AMOTL1: variants seen among roughly 807,000 people sequenced by gnomAD.
AMOTL1 encodes the protein angiomotin like 1, also known as angiomotin-like protein 1.
A neutral mutation model predicts 102.9 loss-of-function variants in AMOTL1; 45 were observed. The observed-to-expected ratio is 0.44, with a 90% confidence interval of 0.34 to 0.56. AMOTL1 has a LOEUF of 0.56. AMOTL1 is among the 20% of genes least tolerant of loss of function. The probability of loss-of-function intolerance (pLI) is 0.01; values close to 1 mark genes in which losing one functional copy is unlikely to be tolerated. For missense variants in AMOTL1, 1,114 were observed against 1,225.6 expected (o/e 0.91, Z 1.36); for synonymous variants, 481 against 484.7 (o/e 0.99, Z 0.10).
intron 1 of AMOTL1, among the ~76,000 whole-genome samples, chr11:94,718,000 A>G (rs1228115209): frequency 6.6e-6 from 1 of 151,958 alleles, no homozygotes; most frequent in African/African-American, 2.4e-5. Context: ...AATTTAATAA[A>G]TATGCCTTAT....
chr11:94,738,814 AG>A (rs1950475385), intron 2 of AMOTL1, among the ~76,000 whole-genome samples: 1 of 152,180 alleles, frequency 6.6e-6, no homozygotes, highest in South Asian at 2.1e-4. Flanking sequence ...GGTGGGGTCA[AG>A]GACACATTGG....
At position 94,841,948 on chromosome 11, in the gene AMOTL1, T is replaced by G. The variant is rs919795391; in HGVS notation, c.1649-8166T>G. On this transcript the variant is annotated intron_variant, in intron 6 of 12. Transcript: ENST00000433060. ...TTACCAAATCCTACCTGAGATATTT[T>G]ACTTTTGGTGCTTTAAACTCACTGC... Among the ~76,000 whole-genome samples the G allele has an allele frequency of 3.3e-5, 5 of 152,212 alleles. No homozygotes were observed. The South Asian group carries it at 8.3e-4, about 25-fold the overall frequency.
At chr11:94,843,237 G>A (rs754502537) in intron 6 of AMOTL1, among the ~76,000 whole-genome samples, 1 of 152,212 alleles carries the variant, frequency 6.6e-6, no homozygotes, top group Non-Finnish European at 1.5e-5. Context: ...AAAGTAGATC[G>A]TGTTTCATGT....
In AMOTL1 at chr11:94,876,683, C is replaced by T. The variant is rs112260569; in HGVS notation, c.*5888C>T. On this transcript the variant is annotated 3_prime_UTR_variant, in exon 13 of 13. Coordinates refer to ENST00000433060, the MANE Select transcript of AMOTL1 (RefSeq NM_130847.3). The stretch of plus-strand genomic sequence containing the variant: ...AAATGGCAAAATGACTCTTTTCTCT[C>T]GCTTGCTCCTTTCTTCCTTAAAGAA... 3.9e-5 allele frequency: 6 copies of T among 152,654 alleles called. No homozygotes were observed. Among genetic ancestry groups the T allele is most frequent in the African/African-American group, 1.4e-4 (6 of 41,456 alleles). The allele number at this position is 152,654 out of a possible 1,614,324, so 9.5% of individuals were successfully genotyped here.
At position 94,743,342 on chromosome 11, in the gene AMOTL1, G is replaced by T. The variant is rs187717966; in HGVS notation, c.136+2354G>T. ...ATTGTTTATATTCATGTGCTGTGCT[G>T]TTTGGGTACTTGGTGTCCCCAAGGG... On this transcript the variant is annotated intron_variant, in intron 3 of 4. Coordinates refer to the AMOTL1 transcript ENST00000299004. 3.3e-5 allele frequency among the ~76,000 whole-genome samples: 5 copies of T among 152,346 alleles called. No individual in the cohort carries two copies. The East Asian group carries it at 9.7e-4, about 29-fold the overall frequency.
chr11:94,805,082 C>G (rs139054765), intron 3 of AMOTL1, among the ~76,000 whole-genome samples: 55 of 152,380 alleles, frequency 3.6e-4, no homozygotes, highest in Middle Eastern at 3.4e-3. Flanking sequence ...TTGCTGCACA[C>G]TGCGTCTCCC....
At chr11:94,763,650 G>A (rs936689971), upstream of AMOTL1, among the ~76,000 whole-genome samples, 2 of 152,132 alleles carry the variant, frequency 1.3e-5, no homozygotes, top group African/African-American at 4.8e-5. Context: ...TATTAATACT[G>A]TATTCTTACA....
chr11:94,756,199 C>T (rs994319937), intron 3 of AMOTL1, among the ~76,000 whole-genome samples: 1 of 152,292 alleles, frequency 6.6e-6, no homozygotes, highest in East Asian at 1.9e-4. Context: ...TCTGTGCCCG[C>T]TAGGGTCTCG....
intron 1 of AMOTL1, among the ~76,000 whole-genome samples, chr11:94,791,073 A>G (rs983706174): frequency 6.6e-6 from 1 of 152,258 alleles, no homozygotes; most frequent in Non-Finnish European, 1.5e-5. Flanking sequence ...AGCAATGCAT[A>G]AAACCATATG....
chr11:94,870,879 G>A lies in AMOTL1; in HGVS notation c.*84G>A. On this transcript the variant is annotated 3_prime_UTR_variant, in exon 13 of 13. Coordinates refer to ENST00000433060, the MANE Select transcript of AMOTL1 (RefSeq NM_130847.3). Reference sequence around the variant, plus strand: ...AAGAAGAAAGACCTAGAAGGTTGTAGATGGGAAATCAGGAATGATTTGAAC... The same window carrying A: ...AAGAAGAAAGACCTAGAAGGTTGTAAATGGGAAATCAGGAATGATTTGAAC... 1 of 1,137,336 alleles carries A rather than the reference G, an allele frequency of 8.8e-7. No individual in the cohort carries two copies. Among genetic ancestry groups the A allele is most frequent in the Non-Finnish European group, 1.2e-6 (1 of 810,208 alleles). The allele number at this position is 1,137,336 out of a possible 1,614,324, so 70.5% of individuals were successfully genotyped here.
chr11:94,810,868 A>ACACACG (rs1951668740), intron 3 of AMOTL1, among the ~76,000 whole-genome samples: 1 of 141,792 alleles, frequency 7.1e-6, no homozygotes, highest in African/African-American at 2.6e-5. Flanking sequence ...ACACACACAC[A>ACACACG]CGCGTACACA....
chr11:94,791,155 G>C (rs779249749), intron 1 of AMOTL1, among the ~76,000 whole-genome samples: 4 of 152,174 alleles, frequency 2.6e-5, no homozygotes, highest in Non-Finnish European at 5.9e-5. Flanking sequence ...AGAAGCAAAG[G>C]AGTTTTCATG....
Position 94,819,093 on chromosome 11 carries a change from A to G in AMOTL1, c.1122-2437A>G, listed in dbSNP as rs528657203. On this transcript the variant is annotated intron_variant, in intron 3 of 12. Coordinates refer to ENST00000433060, the MANE Select transcript of AMOTL1 (RefSeq NM_130847.3). ...GATCTTTCCTAATAACCTGACACCT[A>G]CCTTTCTAGGAGTAAACTGTCCTAG... Among the ~76,000 whole-genome samples, 10 of 151,150 alleles carry G rather than the reference A, an allele frequency of 6.6e-5. No homozygotes were observed. In the East Asian group the frequency reaches 1.4e-3, roughly 20 times the overall value.
At chr11:94,749,484 G>A (rs1228289117) in intron 3 of AMOTL1, among the ~76,000 whole-genome samples, 2 of 152,130 alleles carry the variant, frequency 1.3e-5, no homozygotes, top group African/African-American at 2.4e-5. Flanking sequence ...CAGAAATAAT[G>A]CATTGTCATC....
intron 1 of AMOTL1, among the ~76,000 whole-genome samples, chr11:94,717,763 C>T (rs1263547173): frequency 1.3e-5 from 2 of 151,306 alleles, no homozygotes; most frequent in Admixed American, 1.3e-4. Context: ...CAGAATACAA[C>T]AATAAATAGA....
At chr11:94,810,942 T>A (rs967807610) in intron 3 of AMOTL1, among the ~76,000 whole-genome samples, 7 of 151,660 alleles carry the variant, frequency 4.6e-5, no homozygotes, top group South Asian at 4.2e-4. Flanking sequence ...GAAAAAAAAA[T>A]TTTAAGTCTC....
At chr11:94,818,344 T>C (rs369736780) in intron 3 of AMOTL1, among the ~76,000 whole-genome samples, 10 of 152,228 alleles carry the variant, frequency 6.6e-5, no homozygotes, top group Non-Finnish European at 1.3e-4. Flanking sequence ...CTAAGTTTTC[T>C]TGGGCCCTTG....
At chr11:94,842,687 A>G (rs923963920) in intron 6 of AMOTL1, among the ~76,000 whole-genome samples, 2 of 152,230 alleles carry the variant, frequency 1.3e-5, no homozygotes, top group Non-Finnish European at 2.9e-5. Context: ...CTAAACTAGT[A>G]GCTTTCAAAC....
At chr11:94,868,437 C>T (rs538429922) in intron 11 of AMOTL1, among the ~76,000 whole-genome samples, 26 of 152,306 alleles carry the variant, frequency 1.7e-4, no homozygotes, top group African/African-American at 5.5e-4. Context: ...CTGCACACCA[C>T]GCCTCCCATT....
Sources: allele counts gnomAD v4.1 joint callset (sites outside exome capture counted in the v4.1 genomes callset), GRCh38; gene constraint gnomAD v4.1.1; transcripts MANE v1.5; gene names NCBI Gene and HGNC (gene_info 2026-07-23, HGNC 2026-07-21).